DPF3: variants seen among roughly 807,000 people sequenced by gnomAD.
DPF3 encodes the protein double PHD fingers 3, also known as zinc finger protein DPF3.
A neutral mutation model predicts 56.8 loss-of-function variants in DPF3; 18 were observed. The observed-to-expected ratio is 0.32, with a 90% CI of 0.22 to 0.47. The LOEUF (loss-of-function observed/expected upper bound fraction) is 0.47, where lower values mean the gene tolerates loss of function less well. Among genes scored for constraint, DPF3 ranks in the 20% least tolerant of loss-of-function variants. The probability of loss-of-function intolerance (pLI) is 1.00; values close to 1 mark genes in which losing one functional copy is unlikely to be tolerated. For missense variants in DPF3, 403 were observed against 488.8 expected (o/e 0.82, Z 1.65); for synonymous variants, 188 against 180.2 (o/e 1.04, Z -0.35).
chr14:72,652,548 G>A (rs1885943928), intron 8 of DPF3, among the ~76,000 whole-genome samples: 1 of 152,174 alleles, frequency 6.6e-6, no homozygotes, highest in African/African-American at 2.4e-5. Flanking sequence ...GGGCCATTTA[G>A]CAGACAGAGA....
intron 2 of DPF3, 127 bp from the exon 3 acceptor site, chr14:72,753,498 T>A: frequency 1.3e-6 from 1 of 741,468 alleles, no homozygotes; most frequent in Non-Finnish European, 2.1e-6. Flanking sequence ...CTTGTCAACA[T>A]CACAAAGCTG....
rs1225065187 is a variant in DPF3, at chr14:72,609,360, A to G, written c.*9937T>C. On this transcript the variant is annotated 3_prime_UTR_variant, in exon 11 of 11. Transcript: ENST00000556509. ...TGGGCCACCAGTCTTCTGAATGAAG[A>G]GTGAGTCCCGGGTCAGGAGTCCACA... is the stretch of plus-strand genomic sequence containing the variant. Among the ~76,000 whole-genome samples, 1 of 152,164 alleles carries G rather than the reference A, an allele frequency of 6.6e-6. No homozygotes were observed. Among genetic ancestry groups the G allele is most frequent in the African/African-American group, 2.4e-5 (1 of 41,430 alleles).
chr14:72,836,120 AG>A, intron 1 of DPF3: 1 of 985,768 alleles, frequency 1.0e-6, no homozygotes, highest in Non-Finnish European at 1.2e-6. Flanking sequence ...CCAGGTCCAA[AG>A]AAGAAGCCAG....
intron 1 of DPF3, among the ~76,000 whole-genome samples, chr14:72,828,601 G>A (rs72730384): frequency 0.084 from 12,679 of 150,058 alleles, 733 homozygotes; most frequent in South Asian, 0.18. Flanking sequence ...GGATTCCAGA[G>A]AGTGGGCCAG....
At chr14:72,778,251 A>G (rs539072578) in intron 1 of DPF3, among the ~76,000 whole-genome samples, 4 of 152,326 alleles carry the variant, frequency 2.6e-5, no homozygotes, top group Admixed American at 2.6e-4. Flanking sequence ...GTGGCACAGC[A>G]GGAGGTGAGC....
intron 3 of DPF3, among the ~76,000 whole-genome samples, chr14:72,749,558 C>A (rs757796634): frequency 6.6e-6 from 1 of 152,128 alleles, no homozygotes; most frequent in African/African-American, 2.4e-5. Flanking sequence ...TGGGAGGGGG[C>A]AAGGGCAGAA....
chr14:72,689,771 C>T (rs1448076458), intron 7 of DPF3, among the ~76,000 whole-genome samples: 2 of 152,192 alleles, frequency 1.3e-5, no homozygotes, highest in South Asian at 2.1e-4. Flanking sequence ...GAACCTGGGA[C>T]GACCAGCTGC....
chr14:72,782,253 G>A (rs971633172), intron 1 of DPF3, among the ~76,000 whole-genome samples: 2 of 148,480 alleles, frequency 1.3e-5, no homozygotes, highest in Non-Finnish European at 3.0e-5. Flanking sequence ...TTGAAACAAG[G>A]TTTTGCTCTG....
At chr14:72,843,984 C>T (rs1884653166) in intron 1 of DPF3, among the ~76,000 whole-genome samples, 1 of 152,180 alleles carries the variant, frequency 6.6e-6, no homozygotes, top group Non-Finnish European at 1.5e-5. Context: ...ATAACTTGCC[C>T]AAAGTCACAC....
At chr14:72,803,558 C>T (rs1210794272) in intron 1 of DPF3, among the ~76,000 whole-genome samples, 1 of 152,234 alleles carries the variant, frequency 6.6e-6, no homozygotes, top group African/African-American at 2.4e-5. Context: ...GTCACCCAGC[C>T]TGGATCCCAT....
chr14:72,846,616 G>A (rs569451204), intron 1 of DPF3, among the ~76,000 whole-genome samples: 128 of 149,792 alleles, frequency 8.5e-4, no homozygotes, highest in Middle Eastern at 6.9e-3. Context: ...GATTACAGGC[G>A]TGAGCCACCA....
intron 1 of DPF3, among the ~76,000 whole-genome samples, chr14:72,869,867 T>C (rs1162000303): frequency 6.6e-6 from 1 of 152,088 alleles, no homozygotes; most frequent in Non-Finnish European, 1.5e-5. Flanking sequence ...CCATGTTATC[T>C]TTGAGCTTGC....
At chr14:72,756,409 G>C (rs1890790236) in intron 2 of DPF3, among the ~76,000 whole-genome samples, 2 of 152,176 alleles carry the variant, frequency 1.3e-5, no homozygotes. Context: ...AAATACAGCT[G>C]GTTATGCACA....
chr14:72,648,903 C>T (rs1885811564), intron 8 of DPF3, among the ~76,000 whole-genome samples: 3 of 152,100 alleles, frequency 2.0e-5, no homozygotes, highest in African/African-American at 4.8e-5. Context: ...TTCTCTGCTC[C>T]TTCTTCTTTT....
chr14:72,749,941 C>T (rs1890497186), intron 3 of DPF3, among the ~76,000 whole-genome samples: 1 of 152,040 alleles, frequency 6.6e-6, no homozygotes, highest in African/African-American at 2.4e-5. Context: ...TATGCTTGAG[C>T]ACCTGGATGT....
chr14:72,757,934 T>G (rs1421440196), intron 2 of DPF3, among the ~76,000 whole-genome samples: 3 of 150,394 alleles, frequency 2.0e-5, no homozygotes, highest in Non-Finnish European at 4.4e-5. Flanking sequence ...TGTTTGCATG[T>G]TTTTTTTTAT....
intron 8 of DPF3, among the ~76,000 whole-genome samples, chr14:72,647,813 C>T (rs1395918759): frequency 1.3e-5 from 2 of 152,140 alleles, no homozygotes; most frequent in African/African-American, 2.4e-5. Context: ...CCAAAAATCA[C>T]GAGGAGGTGG....
intron 2 of DPF3, among the ~76,000 whole-genome samples, chr14:72,755,092 C>G (rs745960444): frequency 2.6e-5 from 4 of 152,254 alleles, no homozygotes; most frequent in Non-Finnish European, 5.9e-5. Context: ...CCTGCACCCC[C>G]TCTCCCACCA....
intron 1 of DPF3, among the ~76,000 whole-genome samples, chr14:72,796,668 A>T (rs1339623427): frequency 6.6e-6 from 1 of 152,174 alleles, no homozygotes; most frequent in African/African-American, 2.4e-5. Context: ...ATTGAATCCT[A>T]ATAACAACTC....
Sources: gnomAD v4.1 joint callset for allele counts (sites outside exome capture counted in the v4.1 genomes callset) on GRCh38, gnomAD v4.1.1 for gene constraint, MANE v1.5 for transcripts, NCBI Gene and HGNC (gene_info 2026-07-23, HGNC 2026-07-21) for gene names.